The following CAST variants were observed in gnomAD, a reference collection of about 807,000 sequenced individuals.
CAST encodes the protein MIR583 host.
In CAST, 76 loss-of-function variants were observed where a neutral mutation model predicts 119.6. The ratio of observed to expected loss-of-function variants is 0.64; its 90% CI spans 0.53 to 0.77. The LOEUF (loss-of-function observed/expected upper bound fraction) is 0.77. CAST is among the 30% of genes least tolerant of loss of function. The probability of loss-of-function intolerance (pLI) is 0.00; values close to 1 mark genes in which losing one functional copy is unlikely to be tolerated. For missense variants in CAST, 953 were observed against 946.5 expected (o/e 1.01, Z -0.09); for synonymous variants, 319 against 331.6 (o/e 0.96, Z 0.41).
the CAST span, among the ~76,000 whole-genome samples, chr5:96,337,539 T>C: frequency 1.3e-5 from 2 of 152,200 alleles, no homozygotes; most frequent in African/African-American, 4.8e-5. Context: ...ACACAGTAGC[T>C]AGGAAACAAG....
intron 20 of CAST, among the ~76,000 whole-genome samples, chr5:96,753,240 C>G (rs775679009): frequency 1.1e-4 from 16 of 152,178 alleles, no homozygotes; most frequent in Non-Finnish European, 2.1e-4. Context: ...AAACAATCTT[C>G]CTGCCTTGGC....
the CAST span, among the ~76,000 whole-genome samples, chr5:96,483,888 C>T: frequency 1.6e-4 from 24 of 152,262 alleles, no homozygotes; most frequent in South Asian, 5.0e-3. Context: ...AGTCAAGACT[C>T]ACACCCTAAT....
At chr5:96,622,184 G>A (rs892719037) in intron 1 of CAST, among the ~76,000 whole-genome samples, 2 of 151,806 alleles carry the variant, frequency 1.3e-5, no homozygotes, top group African/African-American at 4.8e-5. Flanking sequence ...TGGCCAGGAC[G>A]GTCTCTATCT....
intron 1 of CAST, among the ~76,000 whole-genome samples, chr5:96,562,806 G>T (rs1279727912): frequency 6.6e-6 from 1 of 152,170 alleles, no homozygotes; most frequent in Non-Finnish European, 1.5e-5. Context: ...GCTCATAAAA[G>T]AAACAAAATG....
At chr5:96,535,423 T>C (rs561226880) in intron 1 of CAST, among the ~76,000 whole-genome samples, 142 of 152,246 alleles carry the variant, frequency 9.3e-4, no homozygotes, top group African/African-American at 3.4e-3. Flanking sequence ...TTTAGAAATA[T>C]GGAGCTAAGT....
At chr5:96,272,983 A>G in the CAST span, among the ~76,000 whole-genome samples, 8 of 152,334 alleles carry the variant, frequency 5.3e-5, no homozygotes, top group African/African-American at 1.7e-4. Flanking sequence ...GGTTCAAGGA[A>G]AATAATGCAT....
intron 3 of CAST, among the ~76,000 whole-genome samples, chr5:96,707,014 C>T (rs934453986): frequency 6.6e-6 from 1 of 152,196 alleles, no homozygotes; most frequent in Non-Finnish European, 1.5e-5. Context: ...TCTTTCTTCA[C>T]CACTCAACCC....
the CAST span, among the ~76,000 whole-genome samples, chr5:96,271,393 A>G: frequency 6.6e-6 from 1 of 152,182 alleles, no homozygotes; most frequent in East Asian, 1.9e-4. Context: ...GTACAAGCAT[A>G]CAAACAGACA....
the CAST span, among the ~76,000 whole-genome samples, chr5:96,434,628 G>T: frequency 0.19 from 28,602 of 149,122 alleles, 3,118 homozygotes; most frequent in East Asian, 0.28. Flanking sequence ...TGTTGTTGTT[G>T]TTGTTGTTTT....
chr5:96,445,330 G>C, the CAST span, among the ~76,000 whole-genome samples: 1 of 152,178 alleles, frequency 6.6e-6, no homozygotes, highest in African/African-American at 2.4e-5. Flanking sequence ...TACTACGCAG[G>C]CTGAGGTGGG....
chr5:96,660,414 C>A (rs1038989535), upstream of CAST, among the ~76,000 whole-genome samples: 2 of 152,230 alleles, frequency 1.3e-5, no homozygotes, highest in African/African-American at 4.8e-5. Flanking sequence ...GGAGGACAGG[C>A]AATGTATCTT....
intron 22 of CAST, among the ~76,000 whole-genome samples, chr5:96,755,416 T>G (rs1313835395): frequency 6.6e-6 from 1 of 152,148 alleles, no homozygotes; most frequent in South Asian, 2.1e-4. Flanking sequence ...CTTTCAGATA[T>G]AAGTTGGAAA....
the CAST span, among the ~76,000 whole-genome samples, chr5:96,346,436 T>C: frequency 6.6e-6 from 1 of 152,222 alleles, no homozygotes; most frequent in East Asian, 1.9e-4. Flanking sequence ...ACTGTAGAGA[T>C]TGTAATTGAA....
At chr5:96,593,904 A>G (rs1310436868) in intron 1 of CAST, among the ~76,000 whole-genome samples, 1 of 152,210 alleles carries the variant, frequency 6.6e-6, no homozygotes, top group East Asian at 1.9e-4. Flanking sequence ...TTTAAGCCAC[A>G]CTGTCTATGG....
chr5:96,216,646 C>T, the CAST span, among the ~76,000 whole-genome samples: 1 of 152,144 alleles, frequency 6.6e-6, no homozygotes, highest in South Asian at 2.1e-4. Context: ...TTATATAATA[C>T]TTTTTAAAAT....
the CAST span, among the ~76,000 whole-genome samples, chr5:96,403,623 GAAA>G: frequency 6.6e-6 from 1 of 152,174 alleles, no homozygotes; most frequent in African/African-American, 2.4e-5. Context: ...TATGTTTACA[GAAA>G]ATAAGGGTAT....
At chr5:96,687,319 A>C (rs1752198630) in intron 2 of CAST, among the ~76,000 whole-genome samples, 1 of 152,232 alleles carries the variant, frequency 6.6e-6, no homozygotes, top group African/African-American at 2.4e-5. Context: ...GCCTAATTGA[A>C]AAAGAGCTCA....
chr5:96,239,419 C>T, the CAST span, among the ~76,000 whole-genome samples: 8 of 152,108 alleles, frequency 5.3e-5, no homozygotes, highest in African/African-American at 1.9e-4. Flanking sequence ...CTCTTTGACC[C>T]TAGAGTTAAT....
intron 1 of CAST, among the ~76,000 whole-genome samples, chr5:96,596,593 T>G (rs1747054803): frequency 6.6e-6 from 1 of 152,182 alleles, no homozygotes; most frequent in South Asian, 2.1e-4. Context: ...GAGCTCTTTG[T>G]GGTCACTACA....
Sources: gnomAD v4.1 joint callset for allele counts (sites outside exome capture counted in the v4.1 genomes callset) on GRCh38, gnomAD v4.1.1 for gene constraint, MANE v1.5 for transcripts, NCBI Gene and HGNC (gene_info 2026-07-23, HGNC 2026-07-21) for gene names.